Variants in LMX1A observed in about 807,000 individuals in gnomAD.
LMX1A encodes LIM homeobox transcription factor 1-alpha.
A neutral mutation model predicts 49.1 loss-of-function variants in LMX1A; 15 were observed. The ratio of observed to expected loss-of-function variants is 0.31; its 90% CI spans 0.20 to 0.47. LMX1A has a LOEUF of 0.47. Ranked by LOEUF, LMX1A falls within the 20% of genes least tolerant of loss-of-function variation. The pLI is 1.00. For synonymous variants in LMX1A, 167 were observed against 185.7 expected (o/e 0.90, Z 0.82); for missense variants, 372 against 475.8 (o/e 0.78, Z 2.03).
chr1:165,347,354 A>G (rs1275537630), intron 3 of LMX1A, among the ~76,000 whole-genome samples: 1 of 152,230 alleles, frequency 6.6e-6, no homozygotes, highest in African/African-American at 2.4e-5. Context: ...AAAAACATAT[A>G]GAGTATTCCT....
intron 4 of LMX1A, among the ~76,000 whole-genome samples, chr1:165,230,065 C>CT (rs1276522040): frequency 6.6e-6 from 1 of 152,186 alleles, no homozygotes; most frequent in Non-Finnish European, 1.5e-5. Context: ...TTCTCATTCT[C>CT]TTTTTGCCAC....
At chr1:165,352,181 A>G (rs1656448256) in intron 3 of LMX1A, among the ~76,000 whole-genome samples, 1 of 152,268 alleles carries the variant, frequency 6.6e-6, no homozygotes. Context: ...GGAGAGAATA[A>G]GGAAGTTCTT....
At chr1:165,319,465 C>T (rs1451184358) in intron 3 of LMX1A, among the ~76,000 whole-genome samples, 8 of 151,950 alleles carry the variant, frequency 5.3e-5, no homozygotes, top group African/African-American at 1.7e-4. Flanking sequence ...TGCTATAATC[C>T]TCCCTCCAGT....
At chr1:165,258,159 G>A (rs1653311109) in intron 3 of LMX1A, among the ~76,000 whole-genome samples, 1 of 152,238 alleles carries the variant, frequency 6.6e-6, no homozygotes, top group Admixed American at 6.5e-5. Context: ...TGTTGACTTG[G>A]TAACTGAGGT....
At chr1:165,308,191 G>A (rs1032550681) in intron 3 of LMX1A, among the ~76,000 whole-genome samples, 7 of 152,188 alleles carry the variant, frequency 4.6e-5, no homozygotes, top group Non-Finnish European at 8.8e-5. Context: ...CAGGACAGGA[G>A]GCTGGTCCCT....
At chr1:165,328,925 A>G (rs1655661731) in intron 3 of LMX1A, among the ~76,000 whole-genome samples, 1 of 152,232 alleles carries the variant, frequency 6.6e-6, no homozygotes, top group Non-Finnish European at 1.5e-5. Context: ...TGTGGTATCA[A>G]TGTGCATCAG....
intron 3 of LMX1A, among the ~76,000 whole-genome samples, chr1:165,253,450 AAGG>A (rs1653126459): frequency 6.6e-6 from 1 of 152,176 alleles, no homozygotes; most frequent in Admixed American, 6.5e-5. Flanking sequence ...AGGGGAAGCT[AAGG>A]AGAAGTTCCC....
intron 3 of LMX1A, among the ~76,000 whole-genome samples, chr1:165,320,955 C>T (rs567604439): frequency 6.6e-6 from 1 of 152,244 alleles, no homozygotes; most frequent in South Asian, 2.1e-4. Context: ...TTTATAGTAG[C>T]ATTACTCATA....
At chr1:165,257,476 C>T (rs934491326) in intron 3 of LMX1A, among the ~76,000 whole-genome samples, 2 of 152,086 alleles carry the variant, frequency 1.3e-5, no homozygotes, top group Non-Finnish European at 2.9e-5. Flanking sequence ...CTACTCAGCT[C>T]ATGGACCCCA....
chr1:165,270,483 A>G (rs1195252828), intron 3 of LMX1A, among the ~76,000 whole-genome samples: 1 of 152,208 alleles, frequency 6.6e-6, no homozygotes, highest in Admixed American at 6.5e-5. Context: ...GCCAAGTTAT[A>G]TGTTCAGACA....
chr1:165,312,591 T>C (rs993953880), intron 3 of LMX1A, among the ~76,000 whole-genome samples: 3 of 152,206 alleles, frequency 2.0e-5, no homozygotes, highest in Non-Finnish European at 4.4e-5. Flanking sequence ...CCAGCCACTA[T>C]GCTGTAAGGA....
intron 3 of LMX1A, among the ~76,000 whole-genome samples, chr1:165,351,599 T>C (rs985759635): frequency 1.3e-5 from 2 of 152,186 alleles, no homozygotes; most frequent in Non-Finnish European, 2.9e-5. Context: ...CAGCACACGT[T>C]TCTTTTAGTT....
At chr1:165,350,748 A>C (rs566749651) in intron 3 of LMX1A, among the ~76,000 whole-genome samples, 2 of 152,378 alleles carry the variant, frequency 1.3e-5, no homozygotes, top group South Asian at 2.1e-4. Context: ...TGGGCTAAGC[A>C]CAGGCCAGTA....
intron 3 of LMX1A, among the ~76,000 whole-genome samples, chr1:165,287,406 G>A (rs976342857): frequency 3.3e-5 from 5 of 152,184 alleles, no homozygotes; most frequent in Non-Finnish European, 5.9e-5. Flanking sequence ...AAAGAAAGAA[G>A]CCCAGATTCA....
chr1:165,232,529 G>T (rs1450428818), intron 4 of LMX1A, among the ~76,000 whole-genome samples: 2 of 152,110 alleles, frequency 1.3e-5, no homozygotes, highest in African/African-American at 4.8e-5. Flanking sequence ...AGAGGAAGAG[G>T]CTTCTGGCAT....
At chr1:165,280,443 G>A (rs1463537953) in intron 3 of LMX1A, among the ~76,000 whole-genome samples, 1 of 152,010 alleles carries the variant, frequency 6.6e-6, no homozygotes, top group Non-Finnish European at 1.5e-5. Flanking sequence ...ACTTCTTAAA[G>A]ATGAAGGGGA....
intron 4 of LMX1A, chr1:165,218,803 C>G (rs1651731121): frequency 6.6e-6 from 1 of 152,122 alleles, no homozygotes; most frequent in African/African-American, 2.4e-5. Context: ...CGGCCCCTCT[C>G]CTTTGCCAGA....
chr1:165,225,074 G>T (rs1428364026), intron 4 of LMX1A, among the ~76,000 whole-genome samples: 1 of 152,170 alleles, frequency 6.6e-6, no homozygotes, highest in East Asian at 1.9e-4. Context: ...AGAGAAGGTG[G>T]ACAGCACTGT....
At chr1:165,278,029 A>G (rs1654022591) in intron 3 of LMX1A, among the ~76,000 whole-genome samples, 1 of 152,216 alleles carries the variant, frequency 6.6e-6, no homozygotes, top group Non-Finnish European at 1.5e-5. Flanking sequence ...AGCTAATTTA[A>G]TCCTTGGATA....
Sources: gnomAD v4.1 joint callset for allele counts (sites outside exome capture counted in the v4.1 genomes callset) on GRCh38, gnomAD v4.1.1 for gene constraint, MANE v1.5 for transcripts, NCBI Gene and HGNC (gene_info 2026-07-23, HGNC 2026-07-21) for gene names.